Variants in TNK1 observed in about 807,000 individuals in gnomAD.
TNK1 encodes the protein non-receptor tyrosine-protein kinase TNK1.
A neutral mutation model predicts 65.2 loss-of-function variants in TNK1; 53 were observed. The observed-to-expected ratio is 0.81, with a 90% CI of 0.65 to 1.02. TNK1 has a LOEUF of 1.02. TNK1 is among the 50% of genes least tolerant of loss of function. TNK1 has a pLI of 0.00. For missense variants in TNK1, 837 were observed against 878.4 expected (o/e 0.95, Z 0.60); for synonymous variants, 353 against 364.6 (o/e 0.97, Z 0.36).
chr17:7,384,503 C>A lies in TNK1; in HGVS notation c.886C>A (p.Arg296Ser). ...PYAWCAPESL[R>S]HGAFSSASDV... Reference sequence around the variant, plus strand: ...CGGCAGGTGTGCCCCAGAGAGCCTGCGCCACGGAGCCTTCTCGTCTGCCTC... The same window carrying A: ...CGGCAGGTGTGCCCCAGAGAGCCTGAGCCACGGAGCCTTCTCGTCTGCCTC... Residue 296 changes from arginine to serine, a missense_variant, in exon 7 of 13, where the codon CGC becomes AGC. Physicochemically the swap from Arg to Ser is moderately radical, Grantham distance 110. Transcript: ENST00000688331. 6.4e-7 allele frequency: 1 copy of A among 1,572,710 alleles called. No individual in the cohort carries two copies. The highest frequency in any genetic ancestry group is 8.7e-7 in the Non-Finnish European group (1 of 1,155,042).
Position 7,388,873 on chromosome 17 carries a change from G to C in TNK1, c.1862G>C (p.Arg621Pro). The C allele has an allele frequency of 6.3e-7, 1 of 1,595,372 alleles. No homozygotes were observed. Among genetic ancestry groups the C allele is most frequent in the Non-Finnish European group, 8.5e-7 (1 of 1,170,942 alleles). ...GGGGGAGATGTGGTTTCTGCCATCC[G>C]GAACCTCAAGGTAAAGCCAGCCCCT... is the stretch of plus-strand genomic sequence containing the variant. ...ATGGDVVSAI[R>P]NLKVDQLFHL... The change falls in exon 12 of 13, where the codon CGG (arginine) becomes CCG (proline). Residue 621 changes from arginine to proline, a missense_variant. By Grantham distance (103) the Arg-to-Pro change is moderately radical (BLOSUM62 -2). Transcript: ENST00000688331. The surrounding 1 kb of genome is among the most constrained non-coding windows in gnomAD (Gnocchi z 4.5).
rs1171698170 is a variant in TNK1, at chr17:7,389,098, G to A, written c.*14G>A. ...GCCAGGCCCTGAGCTCAGCTTCTGC[G>A]GGCACAGACACCAGCATGAAAAGCC... is the stretch of plus-strand genomic sequence containing the variant. On this transcript the variant is annotated 3_prime_UTR_variant, in exon 13 of 13. Coordinates refer to ENST00000688331, the MANE Select transcript of TNK1 (RefSeq NM_003985.6). 8 of 1,544,840 alleles carry A rather than the reference G, an allele frequency of 5.2e-6. No individual in the cohort carries two copies. In the Admixed American group the frequency reaches 9.8e-5, roughly 19 times the overall value.
rs1904993413 is a variant in TNK1 at position 7,383,818 on chromosome 17, A to T, written c.536A>T (p.His179Leu). The T allele has an allele frequency of 6.2e-7, 1 of 1,612,832 alleles. No homozygotes were observed. Among genetic ancestry groups the T allele is most frequent in the Non-Finnish European group, 8.5e-7 (1 of 1,179,476 alleles). ...VSVMMNLEHP[H>L]VLRLHGLVLG... The stretch of plus-strand genomic sequence containing the variant: ...GTCATGATGAACTTGGAGCACCCAC[A>T]CGTGCTGCGTCTGCACGGCCTTGTA... The change falls in exon 5 of 13, where the codon CAC becomes CTC. Residue 179 changes from histidine (H) to leucine (L), a missense_variant. Coordinates refer to ENST00000688331, the MANE Select transcript of TNK1 (RefSeq NM_003985.6).
At position 7,386,425 on chromosome 17, in the gene TNK1, T is replaced by C. The variant is rs1026153188; in HGVS notation, c.1138-136T>C. ...GTCTGCCTCCCTCACTGAATTACAA[T>C]GGGGGGACAGGGAGAGTCCCACCCT... On this transcript the variant is annotated intron_variant, in intron 7 of 12. Coordinates refer to ENST00000688331, the MANE Select transcript of TNK1 (RefSeq NM_003985.6). 9.2e-6 allele frequency: 6 copies of C among 649,188 alleles called. No individual in the cohort carries two copies. The South Asian group carries it at 1.1e-4, about 12-fold the overall frequency. The allele number at this position is 649,188 out of a possible 1,614,324, so 40.2% of individuals were successfully genotyped here.
chr17:7,384,404 T>C (rs1905052445), intron 6 of TNK1, 80 bp from the exon 7 acceptor site: 1 of 1,447,032 alleles, frequency 6.9e-7, no homozygotes, highest in Non-Finnish European at 9.1e-7. Context: ...GAAAGATGGG[T>C]GCACTCGGGG....
chr17:7,386,382 G>C (rs761544807), intron 7 of TNK1, among the ~76,000 whole-genome samples, 179 bp from the exon 8 acceptor site: 9 of 152,092 alleles, frequency 5.9e-5, no homozygotes, highest in Non-Finnish European at 8.8e-5. Context: ...GCCCTGACCT[G>C]TTTGTCATGG....
chr17:7,388,271 A>G lies in TNK1; in HGVS notation c.1478-135A>G. 2.2e-6 allele frequency: 2 copies of G among 926,388 alleles called. No homozygotes were observed. The highest frequency in any genetic ancestry group is 3.2e-6 in the Non-Finnish European group (2 of 631,146). The allele number at this position is 926,388 out of a possible 1,614,324, so 57.4% of individuals were successfully genotyped here. ...CGAAACCCCTTCTCTACAAAAATAC[A>G]AAAATTAGCCAGTCGTAATGGCAGG... On this transcript the variant is annotated intron_variant, in intron 10 of 12. Coordinates refer to ENST00000688331, the MANE Select transcript of TNK1 (RefSeq NM_003985.6). This position sits in a 1 kb window ranked among gnomAD's most constrained non-coding sequence, Gnocchi z 4.5.
In TNK1 at chr17:7,382,360, G is replaced by A. The variant is rs376330048; in HGVS notation, c.-91-476G>A. Among the ~76,000 whole-genome samples the A allele has an allele frequency of 6.6e-4, 101 of 152,296 alleles. No individual in the cohort carries two copies. The highest frequency in any genetic ancestry group is 2.4e-3 in the African/African-American group (98 of 41,562). On this transcript the variant is annotated intron_variant, in intron 1 of 12. Transcript: ENST00000688331. The surrounding 1 kb of genome is among the most constrained non-coding windows in gnomAD (Gnocchi z 4.1). Reference sequence around the variant, plus strand: ...AGTGTGTGTGTGTGGCAGCATGTGGGAGGCAGTGTACCTTCGTGTGTGTGC... The same window carrying A: ...AGTGTGTGTGTGTGGCAGCATGTGGAAGGCAGTGTACCTTCGTGTGTGTGC...
rs61730812 is a variant in TNK1 at position 7,384,513 on chromosome 17, C to G, written c.896C>G (p.Ala299Gly). The change falls in exon 7 of 13, where the codon GCC becomes GGC. Residue 299 changes from alanine to glycine, a missense_variant. Transcript: ENST00000688331. ...GCCCCAGAGAGCCTGCGCCACGGAG[C>G]CTTCTCGTCTGCCTCGGACGTGTGG... ...WCAPESLRHGAFSSASDVWMF... is the reference protein window; with the variant it reads ...WCAPESLRHGGFSSASDVWMF... 20 of 1,585,378 alleles carry G rather than the reference C, an allele frequency of 1.3e-5. No homozygotes were observed. Among genetic ancestry groups the G allele is most frequent in the Non-Finnish European group, 1.5e-5 (17 of 1,161,538 alleles).
In TNK1 at chr17:7,388,634, G is replaced by A; in HGVS notation, c.1706G>A (p.Gly569Glu). ...PPHNHPMGMP[G>E]ARKAAALSGG... is the part of the protein sequence containing the mutation. ...CACAATCACCCCATGGGAATGCCTGGAGCCCGTAAAGCCGCTGCCCTCTCT... is the reference window on the plus strand; with the variant it reads ...CACAATCACCCCATGGGAATGCCTGAAGCCCGTAAAGCCGCTGCCCTCTCT... Residue 569 changes from glycine (G) to glutamate (E), a missense_variant, in exon 11 of 13, where the codon GGA (glycine) becomes GAA (glutamate). By Grantham distance (98) the Gly-to-Glu change is moderately conservative (BLOSUM62 -2). Coordinates refer to ENST00000688331, the MANE Select transcript of TNK1 (RefSeq NM_003985.6). The surrounding 1 kb of genome is among the most constrained non-coding windows in gnomAD (Gnocchi z 4.5). 6.2e-7 allele frequency: 1 copy of A among 1,613,998 alleles called. No homozygotes were observed. Among genetic ancestry groups the A allele is most frequent in the Non-Finnish European group, 8.5e-7 (1 of 1,179,890 alleles).
chr17:7,384,697 G>A lies in TNK1; in HGVS notation c.1080G>A (p.Trp360Ter). Residue 360 changes from tryptophan to a stop codon, truncating the protein, a stop_gained, in exon 7 of 13, where the codon TGG (tryptophan) becomes TGA (stop). Coordinates refer to ENST00000688331, the MANE Select transcript of TNK1 (RefSeq NM_003985.6). LOFTEE classifies it high-confidence loss of function. Reference sequence around the variant, plus strand: ...TCTACTCCCTCGCCTTGCGCTGCTGGGCCCCCCACCCTGCCGACCGGCCTA... The same window carrying A: ...TCTACTCCCTCGCCTTGCGCTGCTGAGCCCCCCACCCTGCCGACCGGCCTA... ...RALYSLALRC[W>*]APHPADRPSF... 1 of 1,593,692 alleles carries A rather than the reference G, an allele frequency of 6.3e-7. No individual in the cohort carries two copies. The highest frequency in any genetic ancestry group is 8.5e-7 in the Non-Finnish European group (1 of 1,172,284).
In TNK1 at chr17:7,388,514, C is replaced by T; in HGVS notation, c.1586C>T (p.Pro529Leu). ...GCCAGAGCTGTGCCCCAGGGACCTC[C>T]AGGCCTGCCTCCACGCCCACCTTTA... ...RQARAVPQGP[P>L]GLPPRPPLSS... The change falls in exon 11 of 13, where the codon CCA becomes CTA. Residue 529 changes from proline to leucine, a missense_variant. Physicochemically the swap from Pro to Leu is moderately conservative, Grantham distance 98. Coordinates refer to ENST00000688331, the MANE Select transcript of TNK1 (RefSeq NM_003985.6). This position sits in a 1 kb window ranked among gnomAD's most constrained non-coding sequence, Gnocchi z 4.5. 2.5e-6 allele frequency: 4 copies of T among 1,613,992 alleles called. No individual in the cohort carries two copies. Among genetic ancestry groups the T allele is most frequent in the Non-Finnish European group, 3.4e-6 (4 of 1,179,884 alleles).
rs1905463044 is a variant in TNK1, at chr17:7,389,512, G to T, written c.*428G>T. 5.1e-6 allele frequency: 2 copies of T among 393,432 alleles called. No homozygotes were observed. The highest frequency in any genetic ancestry group is 4.0e-5 in the Admixed American group (1 of 24,698). The allele number at this position is 393,432 out of a possible 1,614,324, so 24.4% of individuals were successfully genotyped here. A position where few individuals can be genotyped will look rare whatever the true frequency, so the allele number is the denominator to read the frequency against. Reference sequence around the variant, plus strand: ...TGCAGGGCAGCCATCCTGGATGATGGAAGCCACCATATTGACTTGGGGTAT... The same window carrying T: ...TGCAGGGCAGCCATCCTGGATGATGTAAGCCACCATATTGACTTGGGGTAT... On this transcript the variant is annotated 3_prime_UTR_variant, in exon 13 of 13. Transcript: ENST00000688331.
At chr17:7,383,346 G>T (rs1441130020) in intron 3 of TNK1, 26 bp downstream of exon 3, 1 of 1,614,000 alleles carries the variant, frequency 6.2e-7, no homozygotes, top group South Asian at 1.1e-5. Flanking sequence ...GGGCAGCTTG[G>T]GCCTGGGAAT....
chr17:7,385,753 T>C (rs930272648), intron 7 of TNK1, among the ~76,000 whole-genome samples: 5 of 152,024 alleles, frequency 3.3e-5, no homozygotes, highest in African/African-American at 4.8e-5. Flanking sequence ...TTAGTAGAGA[T>C]GGGGTTTCAC....
intron 7 of TNK1, 84 bp from the exon 8 acceptor site, chr17:7,386,477 C>G: frequency 9.4e-7 from 1 of 1,064,556 alleles, no homozygotes; most frequent in South Asian, 1.4e-5. Context: ...ACATACAGAG[C>G]GGAGCTCCTC....
intron 10 of TNK1, 42 bp downstream of exon 10, chr17:7,387,499 C>G: frequency 6.5e-7 from 1 of 1,527,134 alleles, no homozygotes; most frequent in Admixed American, 2.0e-5. Context: ...AGATCAAGAC[C>G]AGTCCTTCAA....
chr17:7,386,864 A>G (rs535887013), intron 8 of TNK1, 126 bp from the exon 9 acceptor site: 251 of 1,322,452 alleles, frequency 1.9e-4, no homozygotes, highest in Non-Finnish European at 2.5e-4. Context: ...ATTAGGGAAA[A>G]GGCTTCCCTT....
rs1905024864 is a variant in TNK1 at position 7,384,109 on chromosome 17, T to A, written c.722T>A (p.Leu241Gln). The part of the protein sequence containing the change: ...GAMAYLGARG[L>Q]VHRDLATRNL... ...ATGGCGTACCTGGGGGCCCGCGGGC[T>A]GGTGCACCGAGACCTCGCTACGCGC... The change falls in exon 6 of 13, where the codon CTG (leucine) becomes CAG (glutamine). Residue 241 changes from leucine (L) to glutamine (Q), a missense_variant. Leu to Gln is a moderately radical substitution (Grantham distance 113, BLOSUM62 -2). Transcript: ENST00000688331. 1.3e-6 allele frequency: 2 copies of A among 1,547,446 alleles called. No homozygotes were observed. Among genetic ancestry groups the A allele is most frequent in the Non-Finnish European group, 8.7e-7 (1 of 1,154,452 alleles).
Sources: allele counts gnomAD v4.1 joint callset (sites outside exome capture counted in the v4.1 genomes callset), GRCh38; gene constraint gnomAD v4.1.1; non-coding constraint Gnocchi (gnomAD v3.1); transcripts MANE v1.5; gene names NCBI Gene and HGNC (gene_info 2026-07-23, HGNC 2026-07-21).